Variants in RIMKLA observed in about 807,000 individuals in gnomAD.
RIMKLA encodes the protein N-acetylaspartylglutamate synthase A.
Under a neutral mutation model 32.7 loss-of-function variants are expected in RIMKLA, and 14 were observed. The observed-to-expected ratio is 0.43, with a 90% CI of 0.28 to 0.67. The LOEUF is 0.67. Ranked by LOEUF, RIMKLA falls within the 30% of genes least tolerant of loss-of-function variation. The probability of loss-of-function intolerance (pLI) is 0.18; values close to 1 mark genes in which losing one functional copy is unlikely to be tolerated. For missense variants in RIMKLA, 410 were observed against 519.0 expected, an observed-to-expected ratio of 0.79 and a Z score of 2.04; for synonymous variants, 176 against 204.1, an observed-to-expected ratio of 0.86 and a Z score of 1.18.
intron 1 of RIMKLA, 70 bp downstream of exon 1, chr1:42,381,167 G>T: frequency 8.7e-7 from 1 of 1,153,244 alleles, no homozygotes; most frequent in Non-Finnish European, 1.1e-6. Flanking sequence ...GGGTGGGCGC[G>T]CTCGCCGGGC....
intron 1 of RIMKLA, among the ~76,000 whole-genome samples, chr1:42,394,270 G>GT (rs1026741298): frequency 6.6e-6 from 1 of 152,100 alleles, no homozygotes; most frequent in African/African-American, 2.4e-5. Flanking sequence ...GTACATGAAG[G>GT]TTTTTTCTGG....
chr1:42,398,994 G>T (rs1030343359), intron 1 of RIMKLA, among the ~76,000 whole-genome samples: 21 of 146,264 alleles, frequency 1.4e-4, no homozygotes, highest in African/African-American at 5.3e-4. Context: ...AAAAAAAAGG[G>T]CTATATAATG....
intron 1 of RIMKLA, among the ~76,000 whole-genome samples, chr1:42,385,196 T>A (rs1487190283): frequency 6.6e-6 from 1 of 152,252 alleles, no homozygotes; most frequent in African/African-American, 2.4e-5. Context: ...ATGAAATGTC[T>A]TAAAAGCTAC....
intron 1 of RIMKLA, among the ~76,000 whole-genome samples, chr1:42,390,062 G>A (rs1404820635): frequency 1.4e-5 from 2 of 140,328 alleles, no homozygotes; most frequent in Admixed American, 1.5e-4. Flanking sequence ...TTTTTGAGAC[G>A]GAGTATCGCC....
rs141548984 is a variant in RIMKLA at position 42,404,594 on chromosome 1, C to T, written c.478C>T (p.Arg160Trp). 2.7e-5 allele frequency: 43 copies of T among 1,605,834 alleles called. No individual in the cohort carries two copies. The highest frequency in any genetic ancestry group is 5.3e-5 in the African/African-American group (4 of 74,906). ...CGTGGTGAAGAGCACACGAGGCCACCGGGGTCAGTGCCACCTCTCCAGGGC... is the reference window on the plus strand; with the variant it reads ...CGTGGTGAAGAGCACACGAGGCCACTGGGGTCAGTGCCACCTCTCCAGGGC... ...PVVVKSTRGH[R>W]GKAVFLARDK... The change falls in exon 3 of 5, where the codon CGG becomes TGG. Residue 160 changes from arginine to tryptophan, a missense_variant. Physicochemically the swap from Arg to Trp is moderately radical, Grantham distance 101 (BLOSUM62 -3). Transcript: ENST00000431473.
rs1642884380 is a variant in RIMKLA at position 42,381,114 on chromosome 1, CG to C, written c.163+21del. On this transcript the variant is annotated intron_variant, in intron 1 of 4. Transcript: ENST00000431473. The stretch of plus-strand genomic sequence containing the variant: ...GCCACCTCGGTGAGCGAGGCGGGCC[CG>C]GGGAGGGCAGGGAGGCGCGCCGGGG... The C allele has an allele frequency of 8.0e-7, 1 of 1,244,988 alleles. No individual in the cohort carries two copies. The allele number at this position is 1,244,988 out of a possible 1,614,324, so 77.1% of individuals were successfully genotyped here.
At chr1:42,402,124 A>G (rs1445358908) in intron 2 of RIMKLA, among the ~76,000 whole-genome samples, 3 of 152,204 alleles carry the variant, frequency 2.0e-5, no homozygotes, top group African/African-American at 7.2e-5. Flanking sequence ...TTTAAAAATC[A>G]TTAGCACTCT....
chr1:42,386,210 A>G (rs1369741524), intron 1 of RIMKLA, among the ~76,000 whole-genome samples: 1 of 151,866 alleles, frequency 6.6e-6, no homozygotes, highest in African/African-American at 2.4e-5. Context: ...GGCGTGAGCC[A>G]CCGAGCCTGG....
At position 42,417,954 on chromosome 1, in the gene RIMKLA, C is replaced by T. The variant is rs1004234058; in HGVS notation, c.*2980C>T. ...CCGTCTCAAAAAAAAAAAAAAAAAG[C>T]CACACATTCTTGGCATTAGCACACC... is the stretch of plus-strand genomic sequence containing the variant. On this transcript the variant is annotated 3_prime_UTR_variant, in exon 5 of 5. Transcript: ENST00000431473. 16 of 142,556 alleles carry T rather than the reference C, an allele frequency of 1.1e-4. No individual in the cohort carries two copies. Among genetic ancestry groups the T allele is most frequent in the African/African-American group, 3.9e-4 (15 of 38,820 alleles). The allele number at this position is 142,556 out of a possible 1,614,324, so 8.8% of individuals were successfully genotyped here.
At chr1:42,400,078 G>C (rs1383162287) in intron 2 of RIMKLA, among the ~76,000 whole-genome samples, 3 of 152,188 alleles carry the variant, frequency 2.0e-5, no homozygotes, top group Non-Finnish European at 4.4e-5. Context: ...ATAGAGTTAC[G>C]CTGAAGTTAT....
intron 3 of RIMKLA, among the ~76,000 whole-genome samples, chr1:42,409,598 A>G (rs1643180077): frequency 6.6e-6 from 1 of 152,220 alleles, no homozygotes; most frequent in Non-Finnish European, 1.5e-5. Flanking sequence ...GGTCTGAAGA[A>G]TTTTTTTAAA....
At chr1:42,404,642 G>C (rs991873986) in intron 3 of RIMKLA, 45 bp downstream of exon 3, 1 of 1,257,568 alleles carries the variant, frequency 8.0e-7, no homozygotes, top group Admixed American at 1.7e-5. Context: ...CAGCCCACTA[G>C]GGCTGCTGCT....
At chr1:42,397,703 C>T (rs1367814713) in intron 1 of RIMKLA, among the ~76,000 whole-genome samples, 2 of 151,662 alleles carry the variant, frequency 1.3e-5, no homozygotes, top group Non-Finnish European at 2.9e-5. Flanking sequence ...CCATCCTGAG[C>T]GATAGCAAGA....
At chr1:42,407,457 C>T (rs1643157432) in intron 3 of RIMKLA, among the ~76,000 whole-genome samples, 1 of 152,054 alleles carries the variant, frequency 6.6e-6, no homozygotes, top group South Asian at 2.1e-4. Context: ...ATAGTTTTAG[C>T]CCTTACCTTT....
Position 42,399,545 on chromosome 1 carries a change from C to A in RIMKLA, c.305C>A (p.Pro102Gln). ...EKLGCRLVNR[P>Q]QSILNCINKF... is the part of the protein sequence containing the mutation. ...CTGGGCTGCCGGTTGGTCAATCGCC[C>A]ACAGAGCATCTTAAATTGCATCAAC... Residue 102 changes from proline (P) to glutamine (Q), a missense_variant, in exon 2 of 5, where the codon CCA becomes CAA. Transcript: ENST00000431473. 1 of 1,613,530 alleles carries A rather than the reference C, an allele frequency of 6.2e-7. No homozygotes were observed. Among genetic ancestry groups the A allele is most frequent in the Non-Finnish European group, 8.5e-7 (1 of 1,179,802 alleles).
chr1:42,401,854 T>A (rs888591103), intron 2 of RIMKLA, among the ~76,000 whole-genome samples: 8 of 152,154 alleles, frequency 5.3e-5, no homozygotes, highest in African/African-American at 1.9e-4. Context: ...AAAATGCCCA[T>A]GAAATTAGGA....
In RIMKLA at chr1:42,420,974, C is replaced by T. The variant is rs1643290461; in HGVS notation, c.*6000C>T. On this transcript the variant is annotated 3_prime_UTR_variant, in exon 5 of 5. Transcript: ENST00000431473. ...CTTGCTTCCCCCACTGTGAGCAACA[C>T]AAGCATCGCCTTCTTGTGATCATGG... is the stretch of plus-strand genomic sequence containing the variant. 1 of 152,278 alleles carries T rather than the reference C, an allele frequency of 6.6e-6. No individual in the cohort carries two copies. The highest frequency in any genetic ancestry group is 1.5e-5 in the Non-Finnish European group (1 of 68,066). The allele number at this position is 152,278 out of a possible 1,614,324, so 9.4% of individuals were successfully genotyped here.
Position 42,385,840 on chromosome 1 carries a change from C to T in RIMKLA, c.163+4743C>T, listed in dbSNP as rs964920536. Among the ~76,000 whole-genome samples the T allele has an allele frequency of 1.2e-4, 8 of 64,616 alleles. 2 individuals are homozygous for T. Among genetic ancestry groups the T allele is most frequent in the Non-Finnish European group, 2.9e-4 (8 of 27,860 alleles). The allele number at this position is 64,616 out of a possible 152,430, so 42.4% of individuals were successfully genotyped here. Reference sequence around the variant, plus strand: ...CCTTCCTTCCTTCCTTTCTTTCTTTCTTTCTCTTTCTTTCTTTCTTTCTTT... The same window carrying T: ...CCTTCCTTCCTTCCTTTCTTTCTTTTTTTCTCTTTCTTTCTTTCTTTCTTT... On this transcript the variant is annotated intron_variant, in intron 1 of 4. Transcript: ENST00000431473.
chr1:42,411,732 G>A (rs1405178677), intron 4 of RIMKLA, among the ~76,000 whole-genome samples: 16 of 150,474 alleles, frequency 1.1e-4, no homozygotes, highest in Non-Finnish European at 2.4e-4. Flanking sequence ...GGAGTGCAGT[G>A]GCACAATCTC....
Sources: allele counts gnomAD v4.1 joint callset (sites outside exome capture counted in the v4.1 genomes callset), GRCh38; gene constraint gnomAD v4.1.1; transcripts MANE v1.5; gene names NCBI Gene and HGNC (gene_info 2026-07-23, HGNC 2026-07-21).